Variants in ZNRF1 observed in about 807,000 individuals in gnomAD.
ZNRF1 encodes zinc and ring finger 1.
In ZNRF1, 3 loss-of-function variants were observed where a neutral mutation model predicts 18.4. That is an observed-to-expected ratio of 0.16 (90% CI 0.07 to 0.42). ZNRF1 has a LOEUF of 0.42. Ranked by LOEUF, ZNRF1 falls within the 10% of genes least tolerant of loss-of-function variation. The pLI, the probability that ZNRF1 is intolerant of heterozygous loss-of-function variation, is 0.99. For missense variants in ZNRF1, 310 were observed against 329.8 expected (o/e 0.94, Z 0.47); for synonymous variants, 157 against 144.2 (o/e 1.09, Z -0.64).
chr16:75,093,031 G>A (rs545999094), intron 1 of ZNRF1, among the ~76,000 whole-genome samples: 8 of 152,302 alleles, frequency 5.3e-5, no homozygotes, highest in Non-Finnish European at 1.0e-4. Flanking sequence ...AAACCTTAAC[G>A]AGGCACATAA....
At chr16:75,106,955 T>C (rs1597914428) in intron 4 of ZNRF1, 1 of 205,078 alleles carries the variant, frequency 4.9e-6, no homozygotes, top group East Asian at 1.1e-4. Flanking sequence ...CTCCGCCTCT[T>C]CTATGGTAAC....
intron 2 of ZNRF1, among the ~76,000 whole-genome samples, chr16:75,099,111 G>C (rs1376906710): frequency 6.6e-6 from 1 of 152,162 alleles, no homozygotes; most frequent in Non-Finnish European, 1.5e-5. Context: ...ACACCCTTAT[G>C]GCCTGGTCTT....
chr16:75,024,519 G>A (rs2035195786), intron 1 of ZNRF1, among the ~76,000 whole-genome samples: 1 of 152,186 alleles, frequency 6.6e-6, no homozygotes, highest in Non-Finnish European at 1.5e-5. Context: ...TCTTTCTGGT[G>A]ATTTTTGTAG....
intron 1 of ZNRF1, among the ~76,000 whole-genome samples, chr16:75,076,287 CTA>C (rs1488365681): frequency 1.3e-5 from 2 of 152,266 alleles, no homozygotes; most frequent in African/African-American, 4.8e-5. Context: ...ACATCTAACT[CTA>C]TGAATCTCCC....
chr16:75,090,418 G>C (rs2036123375), intron 1 of ZNRF1, among the ~76,000 whole-genome samples: 1 of 152,126 alleles, frequency 6.6e-6, no homozygotes, highest in Admixed American at 6.6e-5. Flanking sequence ...GGGTCTCACT[G>C]TGTTGCCCGG....
chr16:75,073,871 T>A (rs544166638), intron 1 of ZNRF1, among the ~76,000 whole-genome samples: 1 of 152,228 alleles, frequency 6.6e-6, no homozygotes, highest in South Asian at 2.1e-4. Flanking sequence ...GATCATAGAC[T>A]AGGGAACTTT....
intron 1 of ZNRF1, among the ~76,000 whole-genome samples, chr16:75,090,336 C>G (rs1017445843): frequency 2.6e-5 from 4 of 151,620 alleles, no homozygotes; most frequent in African/African-American, 4.8e-5. Context: ...GATGGAATTC[C>G]CCTCCTTTCT....
chr16:75,012,234 C>T (rs1408141404), intron 1 of ZNRF1, among the ~76,000 whole-genome samples: 1 of 152,194 alleles, frequency 6.6e-6, no homozygotes, highest in Admixed American at 6.5e-5. Flanking sequence ...TGAATTGCTG[C>T]AGTAGCATGA....
At chr16:75,056,307 G>C (rs373529485) in intron 1 of ZNRF1, among the ~76,000 whole-genome samples, 24 of 152,348 alleles carry the variant, frequency 1.6e-4, no homozygotes, top group African/African-American at 5.5e-4. Context: ...TCATCAGGCA[G>C]CTCTGGCCAG....
chr16:75,072,962 C>G (rs1353877552), intron 1 of ZNRF1, among the ~76,000 whole-genome samples: 2 of 152,078 alleles, frequency 1.3e-5, no homozygotes, highest in Admixed American at 6.6e-5. Context: ...CACACTCAAC[C>G]GGTTATCTAG....
At chr16:75,029,446 C>G (rs576331058) in intron 1 of ZNRF1, among the ~76,000 whole-genome samples, 16 of 152,262 alleles carry the variant, frequency 1.1e-4, no homozygotes, top group African/African-American at 3.4e-4. Context: ...CCACGCCCGG[C>G]TGACCTTTTC....
intron 4 of ZNRF1, 175 bp from the exon 5 acceptor site, chr16:75,107,545 GGGAGAGTGAGGCA>G (rs2036332540): frequency 2.8e-6 from 1 of 352,010 alleles, no homozygotes; most frequent in Admixed American, 3.7e-5. Flanking sequence ...AGAGCCAGGG[GGGAGAGTGAGGCA>G]GGGGAGTAGA....
chr16:75,080,566 A>G lies in ZNRF1; in HGVS notation c.425-13006A>G, dbSNP rs1010270841. On this transcript the variant is annotated intron_variant, in intron 1 of 4. Coordinates refer to ENST00000335325, the MANE Select transcript of ZNRF1 (RefSeq NM_032268.5). ...CCCAGAAATCAACTATTGGTCCTGT[A>G]TAGATTCTCTGTGAAAGTTTCCTTC... Among the ~76,000 whole-genome samples the G allele has an allele frequency of 5.9e-5, 9 of 152,304 alleles. No homozygotes were observed. The South Asian group carries it at 8.3e-4, about 14-fold the overall frequency.
At chr16:75,051,265 T>C (rs1426759672) in intron 1 of ZNRF1, among the ~76,000 whole-genome samples, 1 of 152,110 alleles carries the variant, frequency 6.6e-6, no homozygotes, top group Non-Finnish European at 1.5e-5. Flanking sequence ...TGGAGTGCAG[T>C]GGCACAATCT....
At chr16:75,056,885 C>T (rs1010782308) in intron 1 of ZNRF1, among the ~76,000 whole-genome samples, 1 of 152,176 alleles carries the variant, frequency 6.6e-6, no homozygotes, top group African/African-American at 2.4e-5. Context: ...GATCCACCCG[C>T]CTTGGCCTCC....
intron 1 of ZNRF1, among the ~76,000 whole-genome samples, chr16:75,027,298 G>T (rs988258114): frequency 5.3e-5 from 8 of 152,134 alleles, no homozygotes; most frequent in African/African-American, 1.9e-4. Context: ...TAAAAGTGCT[G>T]TGGCTCTAAT....
At chr16:75,053,922 G>A (rs531433075) in intron 1 of ZNRF1, among the ~76,000 whole-genome samples, 1 of 152,330 alleles carries the variant, frequency 6.6e-6, no homozygotes, top group South Asian at 2.1e-4. Flanking sequence ...GGCCACGCAA[G>A]TTCTTTGTTA....
intron 1 of ZNRF1, among the ~76,000 whole-genome samples, chr16:75,033,224 T>A (rs1258391496): frequency 1.3e-5 from 2 of 150,906 alleles, no homozygotes; most frequent in African/African-American, 4.9e-5. Flanking sequence ...GGCTTTCAAA[T>A]TTCCATATAA....
intron 1 of ZNRF1, among the ~76,000 whole-genome samples, chr16:75,067,742 T>C (rs1052238394): frequency 2.6e-5 from 4 of 152,124 alleles, no homozygotes; most frequent in East Asian, 1.9e-4. Flanking sequence ...GTTAGGAGAA[T>C]TGACTAATTA....
Sources: allele counts gnomAD v4.1 joint callset (sites outside exome capture counted in the v4.1 genomes callset), GRCh38; gene constraint gnomAD v4.1.1; transcripts MANE v1.5; gene names NCBI Gene and HGNC (gene_info 2026-07-23, HGNC 2026-07-21).